The following WWC1 variants were observed in gnomAD, a reference collection of about 807,000 sequenced individuals.
WWC1 encodes the protein WW and C2 domain containing 1, also known as protein KIBRA.
WWC1 carries 55 observed loss-of-function variants against 138.4 expected under a neutral mutation model. That is an observed-to-expected ratio of 0.40 (90% CI 0.32 to 0.50). The LOEUF (loss-of-function observed/expected upper bound fraction) is 0.50, where lower values mean the gene tolerates loss of function less well. Ranked by LOEUF, WWC1 falls within the 20% of genes least tolerant of loss-of-function variation. WWC1 has a pLI of 0.72. For synonymous variants in WWC1, 524 were observed against 564.9 expected, an observed-to-expected ratio of 0.93 and a Z score of 1.03; for missense variants, 1,226 against 1,420.4, an observed-to-expected ratio of 0.86 and a Z score of 2.20.
chr5:168,428,073 T>A lies in WWC1; in HGVS notation c.1851T>A (p.Cys617Ter). 1 of 1,613,774 alleles carries A rather than the reference T, an allele frequency of 6.2e-7. No homozygotes were observed. The highest frequency in any genetic ancestry group is 8.5e-7 in the Non-Finnish European group (1 of 1,179,828). Residue 617 changes from cysteine (C) to a stop codon, truncating the protein, a stop_gained, in exon 12 of 23, where the codon TGT (cysteine) becomes TGA (stop). Coordinates refer to ENST00000265293, the MANE Select transcript of WWC1 (RefSeq NM_015238.3). LOFTEE classifies it high-confidence loss of function. ...AGGGGTGTGGCCTGAAAGTGGCCTG[T>A]GTCTCAGCCGCCGTATCGGACGAGT... ...TAQGCGLKVA[C>*]VSAAVSDESV...
chr5:168,448,519 A>G (rs1371216405), intron 17 of WWC1, among the ~76,000 whole-genome samples: 1 of 151,392 alleles, frequency 6.6e-6, no homozygotes, highest in African/African-American at 2.4e-5. Flanking sequence ...GGGAACTCGT[A>G]TTTGTCTGGG....
intron 1 of WWC1, among the ~76,000 whole-genome samples, chr5:168,337,393 AG>A (rs1405206019): frequency 1.1e-4 from 16 of 152,190 alleles, no homozygotes; most frequent in Admixed American, 4.6e-4. Context: ...CCCTCCCCCC[AG>A]AAACAGCTGG....
intron 17 of WWC1, among the ~76,000 whole-genome samples, chr5:168,449,456 G>A (rs1755594439): frequency 6.6e-6 from 1 of 152,096 alleles, no homozygotes; most frequent in African/African-American, 2.4e-5. Flanking sequence ...ACTGTTGTGA[G>A]GTGTAGCACC....
intron 8 of WWC1, among the ~76,000 whole-genome samples, chr5:168,411,011 C>T (rs1780197372): frequency 1.3e-5 from 2 of 149,378 alleles, no homozygotes; most frequent in Admixed American, 6.7e-5. Context: ...CTGCAAGCTC[C>T]GCCTCCCGGG....
intron 5 of WWC1, among the ~76,000 whole-genome samples, chr5:168,402,786 A>G (rs1400702750): frequency 2.0e-5 from 3 of 152,142 alleles, no homozygotes; most frequent in Non-Finnish European, 4.4e-5. Context: ...TCCCAGCATC[A>G]TCCCTGATAA....
intron 1 of WWC1, among the ~76,000 whole-genome samples, chr5:168,350,013 A>G (rs947327203): frequency 1.3e-5 from 2 of 152,188 alleles, no homozygotes; most frequent in Admixed American, 1.3e-4. Flanking sequence ...TCCCAGCTCC[A>G]GGTCATTCCT....
chr5:168,428,409 A>C (rs940781934), intron 12 of WWC1, among the ~76,000 whole-genome samples: 58 of 152,012 alleles, frequency 3.8e-4, no homozygotes, highest in African/African-American at 1.4e-3. Flanking sequence ...GCACTAGAGA[A>C]AGGGAAGGCC....
chr5:168,374,110 A>T (rs940520712), intron 2 of WWC1, among the ~76,000 whole-genome samples: 1 of 152,062 alleles, frequency 6.6e-6, no homozygotes, highest in Non-Finnish European at 1.5e-5. Flanking sequence ...ATTCGCTCAT[A>T]CATTCACCAT....
intron 1 of WWC1, among the ~76,000 whole-genome samples, chr5:168,335,868 A>G (rs1773411916): frequency 6.6e-6 from 1 of 152,250 alleles, no homozygotes. Flanking sequence ...TAATTAGCAG[A>G]ACCAGGATAC....
intron 1 of WWC1, among the ~76,000 whole-genome samples, chr5:168,302,859 T>C (rs946883720): frequency 6.6e-6 from 1 of 152,196 alleles, no homozygotes; most frequent in African/African-American, 2.4e-5. Context: ...CAAAAATCCT[T>C]GTCCTCATGG....
chr5:168,433,899 C>G (rs1294158511), intron 15 of WWC1, among the ~76,000 whole-genome samples: 42 of 152,224 alleles, frequency 2.8e-4, no homozygotes, highest in Admixed American at 2.6e-3. Context: ...AGTGGAGAAA[C>G]TGAGGCACAA....
chr5:168,434,236 G>T (rs978720180), intron 15 of WWC1, among the ~76,000 whole-genome samples: 2 of 152,206 alleles, frequency 1.3e-5, no homozygotes, highest in East Asian at 1.9e-4. Flanking sequence ...CAGCCAAAGC[G>T]CTCATCTCAC....
chr5:168,467,597 G>A, intron 21 of WWC1: 1 of 485,852 alleles, frequency 2.1e-6, no homozygotes. Context: ...ATTTCAACAG[G>A]CAGCCCTCAT....
chr5:168,323,991 G>A (rs1262016912), intron 1 of WWC1, among the ~76,000 whole-genome samples: 4 of 152,186 alleles, frequency 2.6e-5, no homozygotes, highest in Admixed American at 1.3e-4. Flanking sequence ...CATCTCTAAG[G>A]TGCTGAAAGG....
chr5:168,444,683 C>T (rs1393588533), intron 17 of WWC1, 98 bp downstream of exon 17: 27 of 1,352,468 alleles, frequency 2.0e-5, no homozygotes, highest in Non-Finnish European at 2.8e-5. Flanking sequence ...AGAAGGGTTC[C>T]ACTGGGAAGG....
chr5:168,294,690 G>A (rs935535590), intron 1 of WWC1, among the ~76,000 whole-genome samples: 3 of 152,048 alleles, frequency 2.0e-5, no homozygotes, highest in Non-Finnish European at 2.9e-5. Flanking sequence ...CCAGTGGTGC[G>A]ATCTTGGCTC....
chr5:168,349,046 A>C (rs1256544385), intron 1 of WWC1, among the ~76,000 whole-genome samples: 1 of 152,146 alleles, frequency 6.6e-6, no homozygotes, highest in African/African-American at 2.4e-5. Context: ...AGCAAGGTTA[A>C]TACGCCCGAG....
intron 9 of WWC1, chr5:168,415,144 A>G (rs893028245): frequency 6.4e-6 from 1 of 157,322 alleles, no homozygotes; most frequent in Non-Finnish European, 1.4e-5. Flanking sequence ...ATAGGAGCCA[A>G]GCAGGTCACA....
chr5:168,434,058 G>A (rs1417075117), intron 15 of WWC1, among the ~76,000 whole-genome samples: 1 of 152,246 alleles, frequency 6.6e-6, no homozygotes, highest in Admixed American at 6.5e-5. Flanking sequence ...AGAGATGGGG[G>A]TGGTGACTTG....
Sources: allele counts gnomAD v4.1 joint callset (sites outside exome capture counted in the v4.1 genomes callset), GRCh38; gene constraint gnomAD v4.1.1; transcripts MANE v1.5; gene names NCBI Gene and HGNC (gene_info 2026-07-23, HGNC 2026-07-21).